PRKAR1B: variants seen among roughly 807,000 people sequenced by gnomAD.
The protein encoded by PRKAR1B is protein kinase cAMP-dependent type I regulatory subunit beta.
In PRKAR1B, 22 loss-of-function variants were observed where a neutral mutation model predicts 46.5. The observed-to-expected ratio is 0.47, with a 90% confidence interval of 0.34 to 0.68. PRKAR1B has a LOEUF of 0.68. Among genes scored for constraint, PRKAR1B ranks in the 30% least tolerant of loss-of-function variants. The pLI is 0.01. For missense variants in PRKAR1B, 445 were observed against 535.6 expected (o/e 0.83, Z 1.67); for synonymous variants, 259 against 217.7 (o/e 1.19, Z -1.67).
chr7:577,446 C>T (rs549396105), intron 9 of PRKAR1B, among the ~76,000 whole-genome samples: 68 of 151,990 alleles, frequency 4.5e-4, no homozygotes, highest in African/African-American at 1.6e-3. Flanking sequence ...AGCGTGAGAT[C>T]CTGCTCACCC....
At chr7:705,304 A>G (rs1338209783) in intron 2 of PRKAR1B, among the ~76,000 whole-genome samples, 1 of 147,286 alleles carries the variant, frequency 6.8e-6, no homozygotes, top group African/African-American at 2.6e-5. Context: ...CTCTGTCTCA[A>G]TTAAAAAAAA....
chr7:670,034 T>A (rs994231137), intron 4 of PRKAR1B, among the ~76,000 whole-genome samples: 1 of 151,118 alleles, frequency 6.6e-6, no homozygotes, highest in Non-Finnish European at 1.5e-5. Flanking sequence ...CCCAGCTGAT[T>A]TTTTTTTGTA....
At chr7:619,530 G>A (rs1783002781) in intron 4 of PRKAR1B, among the ~76,000 whole-genome samples, 1 of 152,228 alleles carries the variant, frequency 6.6e-6, no homozygotes, top group Non-Finnish European at 1.5e-5. Context: ...GCTAAGGAAT[G>A]GTGGTGCTGG....
chr7:668,444 G>A (rs527717591), intron 4 of PRKAR1B, among the ~76,000 whole-genome samples: 31 of 152,296 alleles, frequency 2.0e-4, no homozygotes, highest in African/African-American at 7.0e-4. Flanking sequence ...TTTAGAGACC[G>A]TGGCCAGAAA....
chr7:690,251 A>C (rs1343753556), intron 2 of PRKAR1B, among the ~76,000 whole-genome samples: 1 of 151,542 alleles, frequency 6.6e-6, no homozygotes, highest in Non-Finnish European at 1.5e-5. Context: ...AGCTGAGATC[A>C]TGCTATTGCA....
chr7:618,433 C>T (rs1475206863), intron 4 of PRKAR1B, among the ~76,000 whole-genome samples: 2 of 152,208 alleles, frequency 1.3e-5, no homozygotes, highest in Non-Finnish European at 2.9e-5. Context: ...CTATAAGATA[C>T]TTGAGGTCTC....
chr7:574,567 C>A (rs1396799574), intron 9 of PRKAR1B, among the ~76,000 whole-genome samples: 1 of 152,130 alleles, frequency 6.6e-6, no homozygotes, highest in Non-Finnish European at 1.5e-5. Context: ...GCCTCAGCCT[C>A]CCAGTAGCCG....
chr7:593,002 CT>C lies in PRKAR1B; in HGVS notation c.708+3143del, dbSNP rs1448330201. Among the ~76,000 whole-genome samples, 1 of 152,190 alleles carries C rather than the reference CT, an allele frequency of 6.6e-6. No individual in the cohort carries two copies. The highest frequency in any genetic ancestry group is 1.5e-5 in the Non-Finnish European group (1 of 68,034). On this transcript the variant is annotated intron_variant, in intron 7 of 10. Coordinates refer to ENST00000537384, the MANE Select transcript of PRKAR1B (RefSeq NM_001164760.2). The surrounding 1 kb of genome is among the most constrained non-coding windows in gnomAD (Gnocchi z 6.1). The stretch of plus-strand genomic sequence containing the variant: ...AGTGAGCCGAGATTGTGCCACTGCA[CT>C]CCATCCTGGGTGACAGTGAGACATT...
chr7:673,077 A>C (rs112598946), intron 4 of PRKAR1B, among the ~76,000 whole-genome samples: 3,350 of 114,170 alleles, frequency 0.029, 49 homozygotes, highest in Non-Finnish European at 0.034. Flanking sequence ...AAAAAAAAAA[A>C]ACACACACAC....
intron 9 of PRKAR1B, among the ~76,000 whole-genome samples, chr7:555,476 A>G (rs1778371772): frequency 6.6e-6 from 1 of 151,710 alleles, no homozygotes. Flanking sequence ...AGGCATTCTC[A>G]CTCTTCACAC....
At chr7:727,333 C>T (rs886038637), upstream of PRKAR1B, 179 of 1,235,398 alleles carry the variant, frequency 1.4e-4, 1 homozygote, top group Non-Finnish European at 1.7e-4. Context: ...CCCCGGGCCC[C>T]GCTCCCACAC....
chr7:587,196 GC>G (rs1405598278), intron 7 of PRKAR1B, among the ~76,000 whole-genome samples: 1 of 152,140 alleles, frequency 6.6e-6, no homozygotes, highest in Non-Finnish European at 1.5e-5. Flanking sequence ...ACTCAGAGGA[GC>G]CCCCCAAATG....
rs1017381030 is a variant in PRKAR1B, at chr7:550,212, T to A, written c.*218A>T. 3 of 565,068 alleles carry A rather than the reference T, an allele frequency of 5.3e-6. No homozygotes were observed. The highest frequency in any genetic ancestry group is 9.5e-6 in the Non-Finnish European group (3 of 316,018). 35.0% of individuals were successfully genotyped at this position (565,068 alleles called of 1,614,324 possible). On this transcript the variant is annotated 3_prime_UTR_variant, in exon 11 of 11. Transcript: ENST00000537384. The stretch of plus-strand genomic sequence containing the variant: ...GGAAGCTGGCCTGTCCCTTCCTTGA[T>A]CTTGGGATGCATTTTGTCCGCTTGT...
At chr7:662,955 TCAAA>T (rs1785696808) in intron 4 of PRKAR1B, among the ~76,000 whole-genome samples, 1 of 152,186 alleles carries the variant, frequency 6.6e-6, no homozygotes, top group Admixed American at 6.5e-5. Flanking sequence ...TCTGATGCTT[TCAAA>T]CAGACTGAAA....
chr7:625,636 G>A (rs956411662), intron 4 of PRKAR1B, among the ~76,000 whole-genome samples: 1 of 152,060 alleles, frequency 6.6e-6, no homozygotes, highest in African/African-American at 2.4e-5. Context: ...CATGGACAAG[G>A]GGCATCACTA....
intron 9 of PRKAR1B, among the ~76,000 whole-genome samples, chr7:577,565 C>T (rs139863355): frequency 3.9e-4 from 59 of 152,128 alleles, no homozygotes; most frequent in East Asian, 2.1e-3. Context: ...CATTCCTGCC[C>T]GGGGCCACCT....
intron 2 of PRKAR1B, among the ~76,000 whole-genome samples, chr7:702,582 G>A (rs977819618): frequency 2.0e-5 from 3 of 152,166 alleles, no homozygotes; most frequent in Non-Finnish European, 4.4e-5. Context: ...TCAGCACTTT[G>A]GGAGGCCGAG....
At chr7:571,925 T>C (rs1779540540) in intron 9 of PRKAR1B, among the ~76,000 whole-genome samples, 1 of 152,212 alleles carries the variant, frequency 6.6e-6, no homozygotes, top group Admixed American at 6.5e-5. Context: ...CGCTAGGCCC[T>C]GGACGCCACT....
chr7:588,940 TG>T, intron 7 of PRKAR1B, among the ~76,000 whole-genome samples: 1 of 28 alleles, frequency 0.036, no homozygotes. Context: ...GAGATGGTGG[TG>T]ATGGTGGTGA....
Sources: allele counts gnomAD v4.1 joint callset (sites outside exome capture counted in the v4.1 genomes callset), GRCh38; gene constraint gnomAD v4.1.1; non-coding constraint Gnocchi (gnomAD v3.1); transcripts MANE v1.5; gene names NCBI Gene and HGNC (gene_info 2026-07-23, HGNC 2026-07-21).